DOT1L: variants seen among roughly 807,000 people sequenced by gnomAD.
DOT1L encodes DOT1 like histone lysine methyltransferase, also known as histone-lysine N-methyltransferase, H3 lysine-79 specific.
In DOT1L, 33 loss-of-function variants were observed where a neutral mutation model predicts 153.3. The ratio of observed to expected loss-of-function variants is 0.22; its 90% CI spans 0.16 to 0.29. The LOEUF (loss-of-function observed/expected upper bound fraction) is 0.29, where lower values mean the gene tolerates loss of function less well. Among genes scored for constraint, DOT1L ranks in the 10% least tolerant of loss-of-function variants. The pLI is 1.00. For synonymous variants in DOT1L, 1,135 were observed against 965.1 expected, an observed-to-expected ratio of 1.18 and a Z score of -3.26; for missense variants, 1,847 against 2,119.9, an observed-to-expected ratio of 0.87 and a Z score of 2.53.
chr19:2,206,821 T>G (rs1359825643), intron 10 of DOT1L, 24 bp downstream of exon 10: 1 of 1,606,520 alleles, frequency 6.2e-7, no homozygotes, highest in Non-Finnish European at 8.5e-7. Flanking sequence ...ATGTTGTTAA[T>G]GATGAACACG....
Position 2,220,576 on chromosome 19 carries a change from A to T in DOT1L, c.2806+354A>T. Reference sequence around the variant, plus strand: ...TCGGCTCCACACACAGCAGTGCCCAATGGCACACGACCGTGGGCCTCCGTG... The same window carrying T: ...TCGGCTCCACACACAGCAGTGCCCATTGGCACACGACCGTGGGCCTCCGTG... On this transcript the variant is annotated intron_variant, in intron 23 of 27. Transcript: ENST00000398665. This position sits in a 1 kb window ranked among gnomAD's most constrained non-coding sequence, Gnocchi z 4.5. 4 of 464,986 alleles carry T rather than the reference A, an allele frequency of 8.6e-6. No homozygotes were observed. Among genetic ancestry groups the T allele is most frequent in the Non-Finnish European group, 1.7e-5 (4 of 232,094 alleles). The allele number at this position is 464,986 out of a possible 1,614,324, so 28.8% of individuals were successfully genotyped here.
At chr19:2,199,593 G>T (rs2023160414) in intron 7 of DOT1L, among the ~76,000 whole-genome samples, 1 of 152,242 alleles carries the variant, frequency 6.6e-6, no homozygotes, top group Admixed American at 6.5e-5. Flanking sequence ...TTGCAGGTGT[G>T]TGTTGGTGTG....
At chr19:2,225,037 G>T (rs1032222546) in intron 25 of DOT1L, among the ~76,000 whole-genome samples, 1 of 152,216 alleles carries the variant, frequency 6.6e-6, no homozygotes, top group African/African-American at 2.4e-5. Context: ...GTCTGAGAGG[G>T]GCCGGGAGAG....
Position 2,226,676 on chromosome 19 carries a change from C to A in DOT1L, c.4155C>A (p.Arg1385=), listed in dbSNP as rs1318497143. Residue 1385 remains arginine (R), a synonymous_variant, in exon 27 of 28, where the codon CGC becomes CGA. Transcript: ENST00000398665. ...CTGGGCTGAAGGGCGAGGGCAGCCG[C>A]GGCAAGGAGGCAGGGGAGGGCGGCC... ...GLAGLKGEGS[R]GKEAGEGGLP... is the part of the protein sequence containing the mutation. 11 of 1,578,078 alleles carry A rather than the reference C, an allele frequency of 7.0e-6. No homozygotes were observed. Among genetic ancestry groups the A allele is most frequent in the Non-Finnish European group, 9.4e-6 (11 of 1,166,576 alleles).
At chr19:2,228,321 C>T (rs1448786400) in intron 27 of DOT1L, 1 of 1,341,452 alleles carries the variant, frequency 7.5e-7, no homozygotes, top group Non-Finnish European at 9.9e-7. Context: ...CTATGCCGCG[C>T]ACCTTTCGGG....
chr19:2,183,668 C>T (rs1026643298), intron 2 of DOT1L, among the ~76,000 whole-genome samples: 1 of 151,628 alleles, frequency 6.6e-6, no homozygotes, highest in African/African-American at 2.4e-5. Flanking sequence ...ACTCTGTTGC[C>T]CGGGCTGGAG....
chr19:2,228,940 G>T (rs2024484369), intron 27 of DOT1L: 2 of 985,290 alleles, frequency 2.0e-6, no homozygotes, highest in Non-Finnish European at 1.2e-6. Flanking sequence ...TGCCCTGCCT[G>T]CCTGGGGGCT....
Position 2,222,993 on chromosome 19 carries a change from CTG to C in DOT1L, c.3391-287_3391-286del, listed in dbSNP as rs1568368510. 2.1e-6 allele frequency: 1 copy of C among 466,174 alleles called. No individual in the cohort carries two copies. Among genetic ancestry groups the C allele is most frequent in the Non-Finnish European group, 3.8e-6 (1 of 263,676 alleles). 28.9% of individuals were successfully genotyped at this position (466,174 alleles called of 1,614,324 possible). On this transcript the variant is annotated intron_variant, in intron 24 of 27. Coordinates refer to ENST00000398665, the MANE Select transcript of DOT1L (RefSeq NM_032482.3). This position sits in a 1 kb window ranked among gnomAD's most constrained non-coding sequence, Gnocchi z 6.5. Reference sequence around the variant, plus strand: ...GGGAAGAGGCGGCCGACAGCTGTCTCTGGGGTTCGGAGTGCGATGCGCTGCCT... The same window carrying C: ...GGGAAGAGGCGGCCGACAGCTGTCTCGGGTTCGGAGTGCGATGCGCTGCCT...
chr19:2,216,985 C>T lies in DOT1L; in HGVS notation c.2439C>T (p.Pro813=), dbSNP rs371825296. The T allele has an allele frequency of 3.4e-5, 55 of 1,613,054 alleles. No individual in the cohort carries two copies. In the African/African-American group the frequency reaches 4.7e-4, roughly 14 times the overall value. ...RAEHTKENGL[P]YQSPSVPGSM... ...AGCACACCAAGGAGAACGGCCTTCC[C>T]TACCAGAGCCCCAGCGTGCCTGGCA... Residue 813 remains proline, a synonymous_variant, in exon 21 of 28, where the codon CCC becomes CCT. Transcript: ENST00000398665.
intron 25 of DOT1L, among the ~76,000 whole-genome samples, chr19:2,223,844 A>G (rs2024223778): frequency 1.3e-5 from 2 of 152,178 alleles, no homozygotes; most frequent in South Asian, 2.1e-4. Context: ...TAAAATTCAC[A>G]TATCGTATTC....
chr19:2,227,668 C>G, intron 27 of DOT1L: 1 of 1,271,462 alleles, frequency 7.9e-7, no homozygotes, highest in Non-Finnish European at 1.0e-6. Flanking sequence ...TGTGAGCCTG[C>G]GGCTGCTGCT....
chr19:2,222,270 T>A lies in DOT1L; in HGVS notation c.3101T>A (p.Phe1034Tyr). The A allele has an allele frequency of 6.2e-7, 1 of 1,613,100 alleles. No individual in the cohort carries two copies. The change falls in exon 24 of 28, where the codon TTC (phenylalanine) becomes TAC (tyrosine). Residue 1034 changes from phenylalanine to tyrosine, a missense_variant. Physicochemically the swap from Phe to Tyr is conservative, Grantham distance 22. Around this residue, in one of 8 missense-constraint regions of DOT1L, gnomAD observed 934 missense variants for 825.3 expected, o/e 1.13. Transcript: ENST00000398665. The surrounding 1 kb of genome is among the most constrained non-coding windows in gnomAD (Gnocchi z 6.5). ...SKGDLPSDSG[F>Y]SDPESEAKRR... ...GGAGACCTGCCCTCCGATTCCGGCT[T>A]CTCAGATCCTGAGAGTGAAGCCAAG...
intron 12 of DOT1L, among the ~76,000 whole-genome samples, 168 bp downstream of exon 12, chr19:2,209,144 T>C (rs1360486657): frequency 3.3e-5 from 5 of 152,028 alleles, no homozygotes; most frequent in African/African-American, 1.2e-4. Context: ...TCCTCCCCAC[T>C]GTCACTCCTG....
intron 7 of DOT1L, among the ~76,000 whole-genome samples, chr19:2,198,684 G>A (rs887307874): frequency 3.3e-5 from 5 of 152,216 alleles, no homozygotes; most frequent in Non-Finnish European, 5.9e-5. Flanking sequence ...TGGGGTGCTG[G>A]TGTGGGCTTC....
intron 12 of DOT1L, 45 bp downstream of exon 12, chr19:2,209,021 C>T (rs2023610394): frequency 6.3e-6 from 10 of 1,599,950 alleles, no homozygotes; most frequent in Middle Eastern, 1.7e-4. Flanking sequence ...CACGCATGCA[C>T]TGATGTGGGG....
At chr19:2,227,402 C>G (rs1364191473) in intron 27 of DOT1L, 1 of 679,792 alleles carries the variant, frequency 1.5e-6, no homozygotes, top group Admixed American at 2.1e-5. Context: ...ATTACTTTCT[C>G]CCGTGGAGGT....
At chr19:2,186,783 G>A (rs982532107) in intron 3 of DOT1L, among the ~76,000 whole-genome samples, 2 of 152,356 alleles carry the variant, frequency 1.3e-5, no homozygotes, top group African/African-American at 4.8e-5. Context: ...CCTGCGTGCC[G>A]ACCTGCTGCT....
In DOT1L at chr19:2,217,954, C is replaced by T. The variant is rs1360166664; in HGVS notation, c.2691+36C>T. ...CCCAGGTGGCTGTCCCCAAGGGCCA[C>T]GTTGAGGCAAAACAGTCTGGGGTGC... On this transcript the variant is annotated intron_variant, in intron 22 of 27. Transcript: ENST00000398665. This position sits in a 1 kb window ranked among gnomAD's most constrained non-coding sequence, Gnocchi z 7.3. 16 of 1,602,518 alleles carry T rather than the reference C, an allele frequency of 1.0e-5. No homozygotes were observed. Among genetic ancestry groups the T allele is most frequent in the East Asian group, 2.2e-5 (1 of 44,724 alleles).
At chr19:2,177,487 A>T (rs79840206) in intron 1 of DOT1L, among the ~76,000 whole-genome samples, 7,539 of 152,104 alleles carry the variant, frequency 0.05, 469 homozygotes, top group African/African-American at 0.15. Flanking sequence ...AGTACTACTA[A>T]CAATTTTTAT....
Sources: gnomAD v4.1 joint callset for allele counts (sites outside exome capture counted in the v4.1 genomes callset) on GRCh38, gnomAD v4.1.1 for gene constraint, gnomAD v4.1.1 regional missense constraint, Gnocchi (gnomAD v3.1) non-coding constraint, MANE v1.5 for transcripts, NCBI Gene and HGNC (gene_info 2026-07-23, HGNC 2026-07-21) for gene names.